MAP3K15: variants seen among roughly 807,000 people sequenced by gnomAD.
The protein encoded by MAP3K15 is mitogen-activated protein kinase kinase kinase 15.
MAP3K15 carries 124 observed loss-of-function variants against 99.5 expected under a neutral mutation model. That is an observed-to-expected ratio of 1.25 (90% CI 1.08 to 1.45). The LOEUF is 1.45. Ranked by LOEUF, MAP3K15 falls within the 40% of genes most tolerant of loss-of-function variation. The pLI is 0.00. For missense variants in MAP3K15, 1,242 were observed against 1,079.7 expected (o/e 1.15, Z -2.11); for synonymous variants, 494 against 439.6 (o/e 1.12, Z -1.55).
chrX:19,466,045 C>T, intron 3 of MAP3K15, among the ~76,000 whole-genome samples: 2 of 110,529 alleles, frequency 1.8e-5, no homozygotes, highest in Admixed American at 1.9e-4. Flanking sequence ...TCTCAAACTC[C>T]TGGGCTCAAG....
At position 19,464,203 on chromosome X, in the gene MAP3K15, T is replaced by C. The variant is rs1482507048; in HGVS notation, c.719+10A>G. The stretch of plus-strand genomic sequence containing the variant: ...GTCTCCAGGGGTTACTGGTGGCAGA[T>C]GGGAATTACCATGAGGTCACGTGGA... On this transcript the variant is annotated intron_variant, in intron 4 of 28. Coordinates refer to ENST00000338883, the MANE Select transcript of MAP3K15 (RefSeq NM_001001671.4). The C allele has an allele frequency of 8.5e-7, 1 of 1,181,839 alleles. No homozygotes were observed. Among genetic ancestry groups the C allele is most frequent in the Admixed American group, 2.2e-5 (1 of 44,822 alleles).
chrX:19,454,105 C>T (rs1480018585), intron 6 of MAP3K15, among the ~76,000 whole-genome samples: 2 of 111,543 alleles, frequency 1.8e-5, no homozygotes, highest in Non-Finnish European at 3.8e-5. Context: ...ATTTACAGAA[C>T]GACATATTAG....
chrX:19,485,124 C>T (rs1486757072), intron 3 of MAP3K15, among the ~76,000 whole-genome samples: 1 of 109,919 alleles, frequency 9.1e-6, no homozygotes, highest in Non-Finnish European at 1.9e-5. Context: ...GCCTGGCCAA[C>T]ATTGGGAAAC....
intron 13 of MAP3K15, among the ~76,000 whole-genome samples, chrX:19,404,139 T>C (rs750650326): frequency 3.6e-5 from 4 of 111,606 alleles, no homozygotes; most frequent in Non-Finnish European, 7.5e-5. Flanking sequence ...TAAAACCCAT[T>C]AGAGCTAATA....
intron 7 of MAP3K15, among the ~76,000 whole-genome samples, chrX:19,427,618 A>G (rs1036138516): frequency 9.0e-5 from 10 of 111,607 alleles, no homozygotes. Context: ...TCTATACATG[A>G]AAAGTTCATT....
At position 19,488,867 on chromosome X, in the gene MAP3K15, C is replaced by A. The variant is rs373501081; in HGVS notation, c.462G>T (p.Leu154Phe). 51 of 1,197,495 alleles carry A rather than the reference C, an allele frequency of 4.3e-5. No homozygotes were observed. The African/African-American group carries it at 8.1e-4, about 19-fold the overall frequency. Residue 154 changes from leucine (L) to phenylalanine (F), a missense_variant, in exon 2 of 29, where the codon TTG becomes TTT. By Grantham distance (22) the Leu-to-Phe change is conservative. Transcript: ENST00000338883. ...CAGTGTCGGCATCGGTGTCATGGTA[C>A]AAGATCACATTATTGGCCATGTCAA... ...ESFDMANNVI[L>F]YHDTDADTAL...
intron 13 of MAP3K15, 65 bp from the exon 14 acceptor site, chrX:19,400,728 T>G (rs749077275): frequency 5.4e-6 from 4 of 745,007 alleles, no homozygotes; most frequent in Non-Finnish European, 8.1e-6. Flanking sequence ...TGTTTTTAAC[T>G]TAGCTTTATT....
chrX:19,388,957 C>T (rs1045862274), intron 18 of MAP3K15, among the ~76,000 whole-genome samples: 3 of 112,001 alleles, frequency 2.7e-5, no homozygotes, highest in African/African-American at 9.7e-5. Context: ...GCCATTCAGC[C>T]ATGAACAACA....
rs190878602 is a variant in MAP3K15, at chrX:19,403,498, G to A, written c.1845-2835C>T. On this transcript the variant is annotated intron_variant, in intron 13 of 28. Coordinates refer to ENST00000338883, the MANE Select transcript of MAP3K15 (RefSeq NM_001001671.4). Reference sequence around the variant, plus strand: ...TTTTTTGACAGGATCTTGCTCTGTCGCCCAGGCTGGAGTGCAGTGGCATGA... The same window carrying A: ...TTTTTTGACAGGATCTTGCTCTGTCACCCAGGCTGGAGTGCAGTGGCATGA... Among the ~76,000 whole-genome samples, 411 of 92,267 alleles carry A rather than the reference G, an allele frequency of 4.5e-3. 5 individuals are homozygous for A. The highest frequency in any genetic ancestry group is 0.017 in the African/African-American group (382 of 23,128). 80.1% of individuals were successfully genotyped at this position (92,267 alleles called of 115,157 possible). A position where few individuals can be genotyped will look rare whatever the true frequency, so the allele number is the denominator to read the frequency against.
intron 15 of MAP3K15, 22 bp from the exon 16 acceptor site, chrX:19,395,230 G>C (rs1437588131): frequency 8.4e-7 from 1 of 1,196,693 alleles, no homozygotes; most frequent in African/African-American, 1.8e-5. Context: ...AACAGAGCCA[G>C]GGTCACCTGC....
At chrX:19,509,783 C>CA (rs1234890877) in intron 1 of MAP3K15, among the ~76,000 whole-genome samples, 2 of 110,852 alleles carry the variant, frequency 1.8e-5, no homozygotes, top group Non-Finnish European at 3.8e-5. Flanking sequence ...AAAAAACCTT[C>CA]AAAAAAATCA....
At position 19,446,272 on chromosome X, in the gene MAP3K15, T is replaced by C. The variant is rs766079848; in HGVS notation, c.995+10641A>G. ...AACAAATAGGACTGAGATAGATCGC[T>C]GATAGGATAAAGAATCCATCATAAA... On this transcript the variant is annotated intron_variant, in intron 6 of 28. Transcript: ENST00000338883. Among the ~76,000 whole-genome samples the C allele has an allele frequency of 1.1e-3, 119 of 112,468 alleles. 1 individual carries two copies. Among genetic ancestry groups the C allele is most frequent in the African/African-American group, 3.6e-3 (113 of 31,043 alleles).
intron 6 of MAP3K15, among the ~76,000 whole-genome samples, chrX:19,437,084 A>G (rs1242109275): frequency 8.9e-6 from 1 of 111,980 alleles, no homozygotes; most frequent in Non-Finnish European, 1.9e-5. Flanking sequence ...AAAACTTTGC[A>G]GTCATGTTTG....
chrX:19,422,929 C>CA (rs1482566910), intron 9 of MAP3K15, among the ~76,000 whole-genome samples: 46 of 99,984 alleles, frequency 4.6e-4, no homozygotes, highest in African/African-American at 1.4e-3. Flanking sequence ...ATCACAAGGA[C>CA]AAAAAACCAA....
rs763209798 is a variant in MAP3K15 at position 19,470,589 on chromosome X, A to G, written c.526-6183T>C. Among the ~76,000 whole-genome samples, 5 of 111,081 alleles carry G rather than the reference A, an allele frequency of 4.5e-5. No homozygotes were observed. In the South Asian group the frequency reaches 1.9e-3, roughly 42 times the overall value. On this transcript the variant is annotated intron_variant, in intron 3 of 28. Transcript: ENST00000338883. The stretch of plus-strand genomic sequence containing the variant: ...TGACATCAGAGGCTGCCCATTGCAG[A>G]AAAATAGACTTCACTGAACTAGTCA...
intron 25 of MAP3K15, among the ~76,000 whole-genome samples, chrX:19,363,656 G>T (rs768612554): frequency 1.6e-4 from 15 of 93,886 alleles, no homozygotes; most frequent in East Asian, 6.3e-4. Flanking sequence ...TTTTGTTTTT[G>T]TTTTTTTTTT....
intron 1 of MAP3K15, among the ~76,000 whole-genome samples, chrX:19,513,347 C>T (rs968461910): frequency 8.9e-5 from 10 of 112,286 alleles, no homozygotes; most frequent in Non-Finnish European, 1.7e-4. Flanking sequence ...GCAAAAGGAA[C>T]ATTTAACCGT....
chrX:19,418,159 C>A (rs2063752200), intron 9 of MAP3K15, among the ~76,000 whole-genome samples: 1 of 112,199 alleles, frequency 8.9e-6, no homozygotes, highest in Non-Finnish European at 1.9e-5. Flanking sequence ...AGGAACGCAG[C>A]TCCTCACCAG....
At chrX:19,474,552 G>C (rs1427496873) in intron 3 of MAP3K15, among the ~76,000 whole-genome samples, 3 of 94,810 alleles carry the variant, frequency 3.2e-5, no homozygotes, top group Middle Eastern at 5.6e-3. Context: ...TTGGGGGGGG[G>C]GGTCTGTGAA....
Sources: gnomAD v4.1 joint callset for allele counts (sites outside exome capture counted in the v4.1 genomes callset) on GRCh38, gnomAD v4.1.1 for gene constraint, MANE v1.5 for transcripts, NCBI Gene and HGNC (gene_info 2026-07-23, HGNC 2026-07-21) for gene names.